PCDHA7: variants seen among roughly 807,000 people sequenced by gnomAD.
PCDHA7 encodes the protein protocadherin alpha-7.
A neutral mutation model predicts 57.2 loss-of-function variants in PCDHA7; 37 were observed. That is an observed-to-expected ratio of 0.65 (90% CI 0.50 to 0.85). The LOEUF is 0.85. PCDHA7 is among the 40% of genes least tolerant of loss of function. The pLI, the probability that PCDHA7 is intolerant of heterozygous loss-of-function variation, is 0.00. For missense variants in PCDHA7, 1,188 were observed against 1,241.8 expected, an observed-to-expected ratio of 0.96 and a Z score of 0.65; for synonymous variants, 553 against 558.8, an observed-to-expected ratio of 0.99 and a Z score of 0.15.
intron 3 of PCDHA7, among the ~76,000 whole-genome samples, chr5:140,983,792 ATG>A (rs1384223147): frequency 6.6e-6 from 1 of 152,212 alleles, no homozygotes; most frequent in Non-Finnish European, 1.5e-5. Context: ...AGATGACAGA[ATG>A]TGTGTGTAAA....
At chr5:140,904,949 T>A (rs2071498656) in intron 1 of PCDHA7, among the ~76,000 whole-genome samples, 1 of 152,228 alleles carries the variant, frequency 6.6e-6, no homozygotes, top group South Asian at 2.1e-4. Flanking sequence ...TAGTCCTTTG[T>A]CTGATGCAGA....
Position 140,850,434 on chromosome 5 carries a change from C to G in PCDHA7, c.2355+13696C>G, listed in dbSNP as rs2150484212. ...CGAAACGGACGCACCGCGCCAGCGC[C>G]TACTGGTGCTGGTGAAAGACCACGG... On this transcript the variant is annotated intron_variant, in intron 1 of 3. Coordinates refer to ENST00000525929, the MANE Select transcript of PCDHA7 (RefSeq NM_018910.3). 12 of 1,598,008 alleles carry G rather than the reference C, an allele frequency of 7.5e-6. No individual in the cohort carries two copies. In the Admixed American group the frequency reaches 1.9e-4, roughly 25 times the overall value.
intron 1 of PCDHA7, among the ~76,000 whole-genome samples, chr5:140,909,116 T>C (rs1273091505): frequency 6.6e-6 from 1 of 152,182 alleles, no homozygotes; most frequent in African/African-American, 2.4e-5. Context: ...ATCAGCAAAA[T>C]GTCATCAAGG....
rs1419215366 is a variant in PCDHA7, at chr5:141,010,888, T to G, written c.*951T>G. 2 of 153,748 alleles carry G rather than the reference T, an allele frequency of 1.3e-5. No homozygotes were observed. The highest frequency in any genetic ancestry group is 2.9e-5 in the Non-Finnish European group (2 of 68,032). The allele number at this position is 153,748 out of a possible 1,614,324, so 9.5% of individuals were successfully genotyped here. On this transcript the variant is annotated 3_prime_UTR_variant, in exon 4 of 4. Coordinates refer to ENST00000525929, the MANE Select transcript of PCDHA7 (RefSeq NM_018910.3). Reference sequence around the variant, plus strand: ...AGCTATAAATCTTTAAAGAGAAATATGAATACAATTCCCCTAAACTCTCCT... The same window carrying G: ...AGCTATAAATCTTTAAAGAGAAATAGGAATACAATTCCCCTAAACTCTCCT...
intron 1 of PCDHA7, among the ~76,000 whole-genome samples, chr5:140,901,405 G>C (rs1366026091): frequency 6.6e-6 from 1 of 152,128 alleles, no homozygotes; most frequent in Non-Finnish European, 1.5e-5. Context: ...TGAGAGATAG[G>C]GGTCTAGTTT....
Position 140,842,831 on chromosome 5 carries a change from C to T in PCDHA7, c.2355+6093C>T, listed in dbSNP as rs2150345753. On this transcript the variant is annotated intron_variant, in intron 1 of 3. Transcript: ENST00000525929. ...GGAGCGGCGGGTGGGCGAGCGCTCG[C>T]TGTCGAGCTACATTTCGGTGCACAC... The T allele has an allele frequency of 5.5e-5, 88 of 1,593,856 alleles. 9 individuals are homozygous for T. The highest frequency in any genetic ancestry group is 1.7e-4 in the Admixed American group (10 of 59,288).
chr5:140,883,806 A>T (rs1554180079), intron 1 of PCDHA7: 1 of 1,612,344 alleles, frequency 6.2e-7, no homozygotes, highest in East Asian at 2.2e-5. Flanking sequence ...GTGCACGCGG[A>T]GAGCGGCAAG....
rs77488964 is a variant in PCDHA7, at chr5:140,929,006, C to T, written c.2356-49943C>T. The T allele has an allele frequency of 3.2e-3, 5,179 of 1,614,048 alleles. 25 individuals carry two copies. Among genetic ancestry groups the T allele is most frequent in the African/African-American group, 0.019 (1,447 of 75,028 alleles). ...GGGTGCTTACTTTTCTTCGTGTGTA[C>T]CAAGTTGCACCAGAGCCCAGGCTGT... is the stretch of plus-strand genomic sequence containing the variant. On this transcript the variant is annotated intron_variant, in intron 1 of 3. Coordinates refer to ENST00000525929, the MANE Select transcript of PCDHA7 (RefSeq NM_018910.3).
At position 140,836,476 on chromosome 5, in the gene PCDHA7, T is replaced by G. The variant is rs2150261790; in HGVS notation, c.2093T>G (p.Val698Gly). The G allele has an allele frequency of 6.2e-7, 1 of 1,613,860 alleles. No homozygotes were observed. The highest frequency in any genetic ancestry group is 1.1e-5 in the South Asian group (1 of 91,080). The part of the protein sequence containing the change: ...GPETELVDVN[V>G]YLIIAICAVS... The stretch of plus-strand genomic sequence containing the variant: ...GAGACCGAGCTGGTGGATGTCAACG[T>G]GTACCTGATCATCGCCATCTGCGCG... The change falls in exon 1 of 4, where the codon GTG becomes GGG. Residue 698 changes from valine to glycine, a missense_variant. By Grantham distance (109) the Val-to-Gly change is moderately radical (BLOSUM62 -3). Coordinates refer to ENST00000525929, the MANE Select transcript of PCDHA7 (RefSeq NM_018910.3).
chr5:140,972,469 C>G (rs782470724), intron 1 of PCDHA7, among the ~76,000 whole-genome samples: 6 of 152,054 alleles, frequency 3.9e-5, no homozygotes, highest in Admixed American at 3.9e-4. Context: ...TATTAAACAT[C>G]AGCATTTAAC....
rs576037609 is a variant in PCDHA7, at chr5:140,856,982, A to C, written c.2355+20244A>C. 1.2e-5 allele frequency: 19 copies of C among 1,595,040 alleles called. 1 individual carries two copies. In the South Asian group the frequency reaches 1.9e-4, roughly 16 times the overall value. ...AAATGATGCTATTGACTTTGAGGAC[A>C]GTAACACTTATGAAATTCATGTAGA... is the stretch of plus-strand genomic sequence containing the variant. On this transcript the variant is annotated intron_variant, in intron 1 of 3. Transcript: ENST00000525929.
chr5:140,972,661 T>C, intron 1 of PCDHA7, among the ~76,000 whole-genome samples: 1 of 48,668 alleles, frequency 2.1e-5, no homozygotes, highest in South Asian at 6.9e-4. Flanking sequence ...AGAAACCAAA[T>C]TTTTTTTTTT....
chr5:140,863,385 G>T (rs782510264), intron 1 of PCDHA7: 7 of 1,030,746 alleles, frequency 6.8e-6, no homozygotes, highest in Non-Finnish European at 1.0e-5. Context: ...CCGAGAGCTC[G>T]TGCATGCCGG....
chr5:140,867,059 TTATA>T (rs782538902), intron 1 of PCDHA7: 1 of 152,152 alleles, frequency 6.6e-6, no homozygotes, highest in Non-Finnish European at 1.5e-5. Flanking sequence ...CAGTACTACT[TTATA>T]TATTCACAAA....
chr5:140,974,309 TGA>T (rs1190034770), intron 1 of PCDHA7, among the ~76,000 whole-genome samples: 4 of 152,212 alleles, frequency 2.6e-5, no homozygotes, highest in South Asian at 4.1e-4. Context: ...CAACTGTGAG[TGA>T]GAGAGTAGCT....
At chr5:140,968,378 G>A (rs782689152) in intron 1 of PCDHA7, 15 of 1,614,040 alleles carry the variant, frequency 9.3e-6, no homozygotes, top group Non-Finnish European at 1.3e-5. Context: ...CAACTCCTTT[G>A]ACTATGAGAA....
At position 140,843,028 on chromosome 5, in the gene PCDHA7, G is replaced by A. The variant is rs2150350487; in HGVS notation, c.2355+6290G>A. 21 of 1,595,152 alleles carry A rather than the reference G, an allele frequency of 1.3e-5. 1 individual carries two copies. Among genetic ancestry groups the A allele is most frequent in the Non-Finnish European group, 1.7e-5 (20 of 1,165,462 alleles). ...ACGCGCCGGCACTGCTGGAGCCTCG[G>A]GTGGGTGGCACTGGTGGCGCAGCGA... On this transcript the variant is annotated intron_variant, in intron 1 of 3. Transcript: ENST00000525929.
intron 1 of PCDHA7, chr5:140,848,598 G>T (rs2150413954): frequency 1.3e-6 from 2 of 1,593,946 alleles, no homozygotes; most frequent in African/African-American, 1.3e-5. Context: ...CCACTACTCC[G>T]TCCCGGAGGA....
intron 1 of PCDHA7, chr5:140,863,589 T>C: frequency 2.8e-6 from 1 of 359,456 alleles, no homozygotes; most frequent in Admixed American, 3.7e-5. Flanking sequence ...TCCTGGAAAG[T>C]ATTTCATTCC....
Sources: gnomAD v4.1 joint callset for allele counts (sites outside exome capture counted in the v4.1 genomes callset) on GRCh38, gnomAD v4.1.1 for gene constraint, MANE v1.5 for transcripts, NCBI Gene and HGNC (gene_info 2026-07-23, HGNC 2026-07-21) for gene names.